ZDHHC23: variants seen among roughly 807,000 people sequenced by gnomAD.
ZDHHC23 encodes zDHHC palmitoyltransferase 23, also known as palmitoyltransferase ZDHHC23.
In ZDHHC23, 41 loss-of-function variants were observed where a neutral mutation model predicts 40.2. That is an observed-to-expected ratio of 1.02 (90% CI 0.79 to 1.32). The LOEUF (loss-of-function observed/expected upper bound fraction) is 1.32, where lower values mean the gene tolerates loss of function less well. Among genes scored for constraint, ZDHHC23 ranks in the 40% most tolerant of loss-of-function variants. ZDHHC23 has a pLI of 0.00. For missense variants in ZDHHC23, 471 were observed against 541.5 expected, an observed-to-expected ratio of 0.87 and a Z score of 1.29; for synonymous variants, 204 against 210.2, an observed-to-expected ratio of 0.97 and a Z score of 0.26.
rs554802639 is a variant in ZDHHC23 at position 113,961,568 on chromosome 3, T to G, written c.*2938T>G. 6.5e-6 allele frequency: 1 copy of G among 152,674 alleles called. No homozygotes were observed. Among genetic ancestry groups the G allele is most frequent in the African/African-American group, 2.4e-5 (1 of 41,464 alleles). The allele number at this position is 152,674 out of a possible 1,614,324, so 9.5% of individuals were successfully genotyped here. A position where few individuals can be genotyped will look rare whatever the true frequency, so the allele number is the denominator to read the frequency against. On this transcript the variant is annotated 3_prime_UTR_variant, in exon 5 of 5. Transcript: ENST00000638807. ...CTAAAGTAAAGCCTTAAGTGTGTTT[T>G]TGGGACAACGTGCTGCTTATTCCAC... is the stretch of plus-strand genomic sequence containing the variant.
intron 2 of ZDHHC23, 118 bp from the exon 3 acceptor site, chr3:113,953,582 A>C (rs1577255752): frequency 1.2e-6 from 1 of 849,340 alleles, no homozygotes; most frequent in East Asian, 2.7e-5. Flanking sequence ...AAGGAAGTAA[A>C]ATGCTTGGTC....
Position 113,959,506 on chromosome 3 carries a change from C to T in ZDHHC23, c.*876C>T. 2 of 1,276,726 alleles carry T rather than the reference C, an allele frequency of 1.6e-6. No individual in the cohort carries two copies. Among genetic ancestry groups the T allele is most frequent in the Non-Finnish European group, 2.0e-6 (2 of 978,614 alleles). 79.1% of individuals were successfully genotyped at this position (1,276,726 alleles called of 1,614,324 possible). A position where few individuals can be genotyped will look rare whatever the true frequency, so the allele number is the denominator to read the frequency against. ...CAGGCATTCATGTGTTTTTCCTCTT[C>T]CCATGTTTCACCAGGTAAGGTGCTA... On this transcript the variant is annotated 3_prime_UTR_variant, in exon 5 of 5. Transcript: ENST00000638807.
intron 4 of ZDHHC23, among the ~76,000 whole-genome samples, chr3:113,958,135 T>C (rs1230425767): frequency 6.6e-6 from 1 of 152,198 alleles, no homozygotes; most frequent in Admixed American, 6.5e-5. Context: ...GTCCCTGCTA[T>C]TCTAGTGTAA....
At chr3:113,978,837 T>C in the ZDHHC23 span, 1 of 1,607,442 alleles carries the variant, frequency 6.2e-7, no homozygotes, top group Non-Finnish European at 8.5e-7. Flanking sequence ...GTATTTAAGG[T>C]ACCCTTCCCT....
downstream of ZDHHC23, among the ~76,000 whole-genome samples, chr3:113,968,626 G>GT (rs373015779): frequency 0.12 from 16,848 of 136,842 alleles, 1,114 homozygotes; most frequent in Admixed American, 0.2. Flanking sequence ...ATAGTTTTTT[G>GT]TTTTTTTTTT....
rs937830416 is a variant in ZDHHC23, at chr3:113,955,391, T to TGC, written c.873-946_873-945dup. ...GTGTGTGTGTGTGTGTGTGTGTGTG[T>TGC]GCGTGTGTGTTCCATTTACAAATGC... On this transcript the variant is annotated intron_variant, in intron 3 of 4. Coordinates refer to ENST00000638807, the MANE Select transcript of ZDHHC23 (RefSeq NM_001320466.2). Among the ~76,000 whole-genome samples the TGC allele has an allele frequency of 7.5e-3, 1,123 of 149,138 alleles. 24 individuals are homozygous for TGC. The highest frequency in any genetic ancestry group is 0.035 in the Admixed American group (525 of 14,948).
intron 4 of ZDHHC23, chr3:113,957,791 G>A (rs1939370801): frequency 1.9e-6 from 1 of 518,690 alleles, no homozygotes. Context: ...TCCCTACCTT[G>A]TGTGATTGTG....
Position 113,959,731 on chromosome 3 carries a change from T to C in ZDHHC23, c.*1101T>C, listed in dbSNP as rs956453782. ...TTATTCTGGTATGAACTTTGAGGAG[T>C]TGAGTGACATCTTCCCACTTAACTT... On this transcript the variant is annotated 3_prime_UTR_variant, in exon 5 of 5. Coordinates refer to ENST00000638807, the MANE Select transcript of ZDHHC23 (RefSeq NM_001320466.2). The C allele has an allele frequency of 2.1e-5, 23 of 1,082,728 alleles. No individual in the cohort carries two copies. The highest frequency in any genetic ancestry group is 6.5e-5 in the African/African-American group (4 of 61,852). 67.1% of individuals were successfully genotyped at this position (1,082,728 alleles called of 1,614,324 possible). A position where few individuals can be genotyped will look rare whatever the true frequency, so the allele number is the denominator to read the frequency against.
At chr3:113,956,123 T>G (rs1261301077) in intron 3 of ZDHHC23, among the ~76,000 whole-genome samples, 1 of 152,094 alleles carries the variant, frequency 6.6e-6, no homozygotes, top group Non-Finnish European at 1.5e-5. Context: ...GTGCCTGTAA[T>G]CCCAGCTACT....
At chr3:113,978,173 A>G in the ZDHHC23 span, 4 of 1,613,774 alleles carry the variant, frequency 2.5e-6, no homozygotes, top group South Asian at 1.1e-5. Flanking sequence ...TTTCCTCACT[A>G]TCAAAACCTC....
At chr3:113,975,089 C>T in the ZDHHC23 span, among the ~76,000 whole-genome samples, 1 of 152,134 alleles carries the variant, frequency 6.6e-6, no homozygotes, top group South Asian at 2.1e-4. Context: ...TGCATGTATG[C>T]ATTTTCTGGG....
chr3:113,954,896 C>T (rs1280746520), intron 3 of ZDHHC23, among the ~76,000 whole-genome samples: 3 of 152,126 alleles, frequency 2.0e-5, no homozygotes, highest in Admixed American at 6.5e-5. Context: ...ATTATTGAAT[C>T]GAGGTCCCAC....
At chr3:113,967,051 A>T (rs1173370727), downstream of ZDHHC23, among the ~76,000 whole-genome samples, 2 of 152,194 alleles carry the variant, frequency 1.3e-5, no homozygotes, top group East Asian at 3.8e-4. Context: ...GTGAGCCGAG[A>T]TCAAGCCATG....
At chr3:113,965,326 C>T (rs1559860719), downstream of ZDHHC23, 7 of 1,609,532 alleles carry the variant, frequency 4.3e-6, no homozygotes, top group South Asian at 1.1e-5. Context: ...TTACAAACTT[C>T]TTCCATGTCC....
chr3:113,969,660 A>G (rs1940601168), downstream of ZDHHC23, among the ~76,000 whole-genome samples: 1 of 152,010 alleles, frequency 6.6e-6, no homozygotes, highest in Non-Finnish European at 1.5e-5. Flanking sequence ...TTGGTTGTAA[A>G]TGTGTGGATT....
At chr3:113,977,953 TGA>T in the ZDHHC23 span, among the ~76,000 whole-genome samples, 1,027 of 152,320 alleles carry the variant, frequency 6.7e-3, 9 homozygotes, top group Non-Finnish European at 0.011. Context: ...GCAGTTTCCG[TGA>T]GGTAGAAAGG....
rs767937826 is a variant in ZDHHC23 at position 113,953,803 on chromosome 3, A to T, written c.265A>T (p.Asn89Tyr). Reference protein sequence around the residue: ...IPWLRGAKKVNISIIPPLVLL... With the variant: ...IPWLRGAKKVYISIIPPLVLL... Reference sequence around the variant, plus strand: ...TTGGCTTAGGGGAGCCAAAAAAGTGAACATCAGCATCATCCCTCCGCTTGT... The same window carrying T: ...TTGGCTTAGGGGAGCCAAAAAAGTGTACATCAGCATCATCCCTCCGCTTGT... Residue 89 changes from asparagine to tyrosine, a missense_variant, in exon 3 of 5, where the codon AAC becomes TAC. Physicochemically the swap from Asn to Tyr is moderately radical, Grantham distance 143. Coordinates refer to ENST00000638807, the MANE Select transcript of ZDHHC23 (RefSeq NM_001320466.2). 5 of 1,614,202 alleles carry T rather than the reference A, an allele frequency of 3.1e-6. No homozygotes were observed. Among genetic ancestry groups the T allele is most frequent in the Non-Finnish European group, 4.2e-6 (5 of 1,180,028 alleles).
Position 113,958,430 on chromosome 3 carries a change from C to T in ZDHHC23, c.1108C>T (p.Leu370=). Residue 370 remains leucine (L), a synonymous_variant, in exon 5 of 5, where the codon CTG becomes TTG. Coordinates refer to ENST00000638807, the MANE Select transcript of ZDHHC23 (RefSeq NM_001320466.2). ...IITAGMAYIF[L]IQLINISYNV... ...CACAGCAGGCATGGCCTACATCTTC[C>T]TGATCCAGCTGATCAACATCAGCTA... 2 of 1,614,194 alleles carry T rather than the reference C, an allele frequency of 1.2e-6. No homozygotes were observed. Among genetic ancestry groups the T allele is most frequent in the South Asian group, 1.1e-5 (1 of 91,076 alleles).
chr3:113,978,732 TG>T, the ZDHHC23 span: 1 of 960,104 alleles, frequency 1.0e-6, no homozygotes, highest in Non-Finnish European at 1.6e-6. Flanking sequence ...AAGCAGTGAA[TG>T]GGATTGACTA....
Sources: allele counts gnomAD v4.1 joint callset (sites outside exome capture counted in the v4.1 genomes callset), GRCh38; gene constraint gnomAD v4.1.1; transcripts MANE v1.5; gene names NCBI Gene and HGNC (gene_info 2026-07-23, HGNC 2026-07-21).